CDK5RAP1: variants seen among roughly 807,000 people sequenced by gnomAD.
CDK5RAP1 encodes the protein CDK5RAP1 mitochondrial tRNA methylthiotransferase.
CDK5RAP1 carries 62 observed loss-of-function variants against 64.5 expected under a neutral mutation model. The ratio of observed to expected loss-of-function variants is 0.96; its 90% CI spans 0.78 to 1.19. The LOEUF (loss-of-function observed/expected upper bound fraction) is 1.19, where lower values mean the gene tolerates loss of function less well. Ranked by LOEUF, CDK5RAP1 falls within the 50% of genes most tolerant of loss-of-function variation. The pLI is 0.00. For synonymous variants in CDK5RAP1, 250 were observed against 261.9 expected (o/e 0.95, Z 0.44); for missense variants, 657 against 735.0 (o/e 0.89, Z 1.23).
In CDK5RAP1 at chr20:33,377,128, G is replaced by T. The variant is rs115020631; in HGVS notation, c.1107+2333C>A. On this transcript the variant is annotated intron_variant, in intron 8 of 13. Coordinates refer to ENST00000346416, the MANE Select transcript of CDK5RAP1 (RefSeq NM_016408.4). ...AGGTGGGAGAACTGCTTGAGGTCAG[G>T]TGTTCAAGACCAGCCTGGGCAATAC... 7.6e-3 allele frequency among the ~76,000 whole-genome samples: 1,159 copies of T among 152,264 alleles called. 11 individuals are homozygous for T. Among genetic ancestry groups the T allele is most frequent in the African/African-American group, 0.026 (1,097 of 41,548 alleles).
rs1988400781 is a variant in CDK5RAP1 at position 33,392,234 on chromosome 20, G to A, written c.452C>T (p.Ala151Val). ...TAAACGGTTCCAGATGGTCTGCTCAGCCTTCTCCCTAGAGAGATCAAAGGA... is the reference window on the plus strand; with the variant it reads ...TAAACGGTTCCAGATGGTCTGCTCAACCTTCTCCCTAGAGAGATCAAAGGA... ...LLVTCSIREKAEQTIWNRLHQ... is the reference protein window; with the variant it reads ...LLVTCSIREKVEQTIWNRLHQ... Residue 151 changes from alanine to valine, a missense_variant, in exon 5 of 14, where the codon GCT (alanine) becomes GTT (valine). Transcript: ENST00000346416. 1.2e-6 allele frequency: 2 copies of A among 1,611,684 alleles called. No homozygotes were observed. The highest frequency in any genetic ancestry group is 1.7e-5 in the Admixed American group (1 of 59,944).
chr20:33,394,101 A>T (rs1988632125), intron 3 of CDK5RAP1, 35 bp from the exon 4 acceptor site: 3 of 1,449,700 alleles, frequency 2.1e-6, no homozygotes, highest in Admixed American at 3.3e-5. Flanking sequence ...GGAAAATTAC[A>T]TAATATCTTG....
At chr20:33,363,558 C>A (rs1983332854) in intron 12 of CDK5RAP1, among the ~76,000 whole-genome samples, 1 of 152,044 alleles carries the variant, frequency 6.6e-6, no homozygotes, top group Non-Finnish European at 1.5e-5. Context: ...ACACTTGGAA[C>A]TTCTCTATGG....
intron 2 of CDK5RAP1, 147 bp downstream of exon 2, chr20:33,396,614 T>G (rs1988917786): frequency 1.4e-6 from 1 of 701,136 alleles, no homozygotes; most frequent in African/African-American, 1.8e-5. Flanking sequence ...TTCTTGATAT[T>G]AATATTACTT....
At chr20:33,387,635 C>T (rs1987621123) in intron 5 of CDK5RAP1, 102 bp from the exon 6 acceptor site, 2 of 878,746 alleles carry the variant, frequency 2.3e-6, no homozygotes, top group East Asian at 2.5e-5. Context: ...GAGACCAGGG[C>T]ACAGAAAACT....
intron 9 of CDK5RAP1, 47 bp downstream of exon 9, chr20:33,374,068 G>A (rs1985552690): frequency 7.8e-7 from 1 of 1,290,192 alleles, no homozygotes; most frequent in South Asian, 1.2e-5. Context: ...TGGTCATTAA[G>A]GAAACATGGA....
intron 1 of CDK5RAP1, among the ~76,000 whole-genome samples, chr20:33,400,458 G>A (rs1016027814): frequency 2.6e-5 from 4 of 152,252 alleles, no homozygotes; most frequent in African/African-American, 9.6e-5. Flanking sequence ...ACAAATTTCT[G>A]TCTCTGAGCC....
intron 4 of CDK5RAP1, among the ~76,000 whole-genome samples, chr20:33,393,340 C>G (rs1002443992): frequency 6.6e-6 from 1 of 151,964 alleles, no homozygotes; most frequent in Non-Finnish European, 1.5e-5. Flanking sequence ...TACACCCAGC[C>G]TCATTGTTTG....
intron 8 of CDK5RAP1, among the ~76,000 whole-genome samples, chr20:33,378,949 C>G (rs1986384669): frequency 6.6e-6 from 1 of 152,150 alleles, no homozygotes; most frequent in South Asian, 2.1e-4. Flanking sequence ...CCACTCCCAC[C>G]TTGGCAGACT....
intron 11 of CDK5RAP1, among the ~76,000 whole-genome samples, chr20:33,368,080 G>GT (rs1984317655): frequency 6.6e-6 from 1 of 152,174 alleles, no homozygotes; most frequent in Admixed American, 6.5e-5. Context: ...ACCCTATGAG[G>GT]TTGGTACCAA....
At chr20:33,392,272 C>T (rs777870108) in intron 4 of CDK5RAP1, 30 bp from the exon 5 acceptor site, 6 of 1,416,984 alleles carry the variant, frequency 4.2e-6, no homozygotes, top group Non-Finnish European at 5.9e-6. Context: ...CAAGACTGAA[C>T]CAAAAATAAA....
Position 33,372,642 on chromosome 20 carries a change from C to G in CDK5RAP1, c.1261G>C (p.Gly421Arg). The part of the protein sequence containing the change: ...LVHHIRESIP[G>R]VSLSSDFIAG... ...AGCAGAATGAGTTTCTTAAATGTAC[C>G]TGGAATAGATTCTCTAATATGGTGA... The change falls in exon 10 of 14, where the codon GGT (glycine) becomes CGT (arginine). Residue 421 changes from glycine (G) to arginine (R), a missense_variant and splice_region_variant. Physicochemically the swap from Gly to Arg is moderately radical, Grantham distance 125. Coordinates refer to ENST00000346416, the MANE Select transcript of CDK5RAP1 (RefSeq NM_016408.4). 2.0e-6 allele frequency: 3 copies of G among 1,511,538 alleles called. No homozygotes were observed. Among genetic ancestry groups the G allele is most frequent in the Non-Finnish European group, 2.7e-6 (3 of 1,127,636 alleles). The allele number at this position is 1,511,538 out of a possible 1,614,324, so 93.6% of individuals were successfully genotyped here. A position where few individuals can be genotyped will look rare whatever the true frequency, so the allele number is the denominator to read the frequency against.
Position 33,392,128 on chromosome 20 carries a change from A to G in CDK5RAP1, c.544+14T>C, listed in dbSNP as rs1246900542. On this transcript the variant is annotated intron_variant, in intron 5 of 13. Coordinates refer to ENST00000346416, the MANE Select transcript of CDK5RAP1 (RefSeq NM_016408.4). ...AAGTTTCAAAGCTGACAAAATGTGC[A>G]AATTACCAGATACCTAGAATTCCAA... The G allele has an allele frequency of 6.5e-7, 1 of 1,546,926 alleles. No homozygotes were observed. The highest frequency in any genetic ancestry group is 8.9e-7 in the Non-Finnish European group (1 of 1,123,868).
intron 7 of CDK5RAP1, among the ~76,000 whole-genome samples, chr20:33,384,801 C>T (rs990787344): frequency 6.6e-6 from 1 of 152,116 alleles, no homozygotes; most frequent in Non-Finnish European, 1.5e-5. Flanking sequence ...ACTTGGGAGG[C>T]TGAAGTGGGA....
At chr20:33,372,882 G>A (rs1985297103) in intron 9 of CDK5RAP1, 185 bp from the exon 10 acceptor site, 1 of 400,298 alleles carries the variant, frequency 2.5e-6, no homozygotes, top group Non-Finnish European at 4.4e-6. Context: ...ATCTAATCTA[G>A]AGCCTATGAA....
intron 5 of CDK5RAP1, among the ~76,000 whole-genome samples, chr20:33,389,182 C>A (rs1463694171): frequency 6.6e-6 from 1 of 151,828 alleles, no homozygotes; most frequent in East Asian, 1.9e-4. Context: ...AAGTGAGCAG[C>A]GTCTCTGCCC....
chr20:33,384,516 G>A (rs1439618037), intron 7 of CDK5RAP1, among the ~76,000 whole-genome samples: 4 of 152,088 alleles, frequency 2.6e-5, no homozygotes, highest in Non-Finnish European at 5.9e-5. Flanking sequence ...GAGCAGCTAG[G>A]GGCCAAATCA....
At chr20:33,389,545 G>A (rs573454468) in intron 5 of CDK5RAP1, among the ~76,000 whole-genome samples, 8 of 148,140 alleles carry the variant, frequency 5.4e-5, no homozygotes, top group African/African-American at 2.0e-4. Flanking sequence ...AGGTGGGGGG[G>A]TCAGCCCCCG....
Position 33,389,466 on chromosome 20 carries a change from A to G in CDK5RAP1, c.545-1933T>C, listed in dbSNP as rs528297589. 7.4e-3 allele frequency among the ~76,000 whole-genome samples: 1,107 copies of G among 150,334 alleles called. 10 individuals carry two copies. Among genetic ancestry groups the G allele is most frequent in the African/African-American group, 0.026 (1,046 of 40,704 alleles). The stretch of plus-strand genomic sequence containing the variant: ...TGGGAAGTGAGGAGCGTCTCCGCCC[A>G]GCAGCCGCCCCGTCCGGGAGGGAGG... On this transcript the variant is annotated intron_variant, in intron 5 of 13. Transcript: ENST00000346416.
Sources: gnomAD v4.1 joint callset for allele counts (sites outside exome capture counted in the v4.1 genomes callset) on GRCh38, gnomAD v4.1.1 for gene constraint, MANE v1.5 for transcripts, NCBI Gene and HGNC (gene_info 2026-07-23, HGNC 2026-07-21) for gene names.